Variants in NEBL observed in about 807,000 individuals in gnomAD.
NEBL encodes the protein nebulette.
A neutral mutation model predicts 140.2 loss-of-function variants in NEBL; 122 were observed. That is an observed-to-expected ratio of 0.87 (90% CI 0.75 to 1.01). NEBL has a LOEUF of 1.01. NEBL is among the 50% of genes least tolerant of loss of function. NEBL has a pLI of 0.00. For missense variants in NEBL, 1,365 were observed against 1,231.3 expected, an observed-to-expected ratio of 1.11 and a Z score of -1.62; for synonymous variants, 436 against 398.9, an observed-to-expected ratio of 1.09 and a Z score of -1.11.
chr10:21,206,226 C>A (rs2132231395), intron 3 of NEBL, among the ~76,000 whole-genome samples: 1 of 152,180 alleles, frequency 6.6e-6, no homozygotes, highest in Non-Finnish European at 1.5e-5. Flanking sequence ...ACTTTTAAAT[C>A]CTAAGGAGAC....
At chr10:20,826,627 T>C in intron 17 of NEBL, 88 bp from the exon 18 acceptor site, 1 of 992,064 alleles carries the variant, frequency 1.0e-6, no homozygotes. Context: ...TTCTCAGGTT[T>C]TATAATAATA....
intron 2 of NEBL, among the ~76,000 whole-genome samples, chr10:21,118,229 T>A (rs2132036480): frequency 6.6e-6 from 1 of 152,286 alleles, no homozygotes; most frequent in South Asian, 2.1e-4. Flanking sequence ...AACTTATGTT[T>A]GTTGTTCCAT....
At chr10:20,927,615 A>G (rs1174334793) in intron 4 of NEBL, among the ~76,000 whole-genome samples, 1 of 152,200 alleles carries the variant, frequency 6.6e-6, no homozygotes, top group African/African-American at 2.4e-5. Flanking sequence ...ACCAAAACCT[A>G]TCTTTTAAGT....
chr10:20,872,313 A>C (rs1352766058), intron 5 of NEBL, among the ~76,000 whole-genome samples: 1 of 152,148 alleles, frequency 6.6e-6, no homozygotes, highest in Non-Finnish European at 1.5e-5. Context: ...ACAAGAGGAC[A>C]CCACGGAGCC....
chr10:20,937,698 A>C (rs1834573326), intron 4 of NEBL, among the ~76,000 whole-genome samples: 1 of 152,184 alleles, frequency 6.6e-6, no homozygotes, highest in African/African-American at 2.4e-5. Context: ...AGTCAAAGAA[A>C]GGGGTGACAG....
chr10:20,890,053 T>TGG, intron 2 of NEBL, 104 bp from the exon 3 acceptor site: 6 of 747,460 alleles, frequency 8.0e-6, no homozygotes, highest in Non-Finnish European at 1.3e-5. Context: ...CTGAAGTAAA[T>TGG]ACTCAAGTGT....
At chr10:21,185,837 A>G (rs567365514) in intron 3 of NEBL, among the ~76,000 whole-genome samples, 9 of 152,150 alleles carry the variant, frequency 5.9e-5, no homozygotes, top group Non-Finnish European at 1.3e-4. Context: ...TGGCTCATGC[A>G]TTGCCTTCAT....
intron 2 of NEBL, among the ~76,000 whole-genome samples, chr10:21,133,189 T>C (rs889269355): frequency 2.6e-5 from 4 of 152,194 alleles, no homozygotes; most frequent in African/African-American, 9.6e-5. Context: ...AGCTTTCTTT[T>C]TGTGACACTT....
intron 2 of NEBL, among the ~76,000 whole-genome samples, chr10:21,133,335 G>A (rs1439425499): frequency 3.9e-5 from 6 of 152,164 alleles, no homozygotes; most frequent in African/African-American, 1.4e-4. Context: ...AATGTACTGT[G>A]TCTTGGGAGG....
chr10:21,210,005 A>T (rs1841891596), intron 3 of NEBL, among the ~76,000 whole-genome samples: 1 of 152,184 alleles, frequency 6.6e-6, no homozygotes, highest in Admixed American at 6.6e-5. Flanking sequence ...GCTGACCCTA[A>T]AGCCCCAATT....
At chr10:20,948,090 G>C (rs1835268844) in intron 4 of NEBL, among the ~76,000 whole-genome samples, 1 of 152,250 alleles carries the variant, frequency 6.6e-6, no homozygotes, top group Admixed American at 6.5e-5. Flanking sequence ...CCATGGGTTG[G>C]ACAAGCTTTA....
chr10:21,093,450 A>G (rs947234721), intron 2 of NEBL, among the ~76,000 whole-genome samples: 1 of 152,162 alleles, frequency 6.6e-6, no homozygotes, highest in Non-Finnish European at 1.5e-5. Flanking sequence ...CCAGACGCCC[A>G]AAGCCAAGTT....
chr10:20,817,989 G>C (rs1387314826), intron 20 of NEBL, among the ~76,000 whole-genome samples: 3 of 152,110 alleles, frequency 2.0e-5, no homozygotes, highest in Non-Finnish European at 4.4e-5. Flanking sequence ...TGCTTTAAAA[G>C]AAACGCCAGA....
At chr10:21,281,295 T>C (rs1842989881) in intron 1 of NEBL, among the ~76,000 whole-genome samples, 1 of 152,094 alleles carries the variant, frequency 6.6e-6, no homozygotes, top group Admixed American at 6.5e-5. Flanking sequence ...TCTGGCCCAG[T>C]GCAAGCCCTT....
At chr10:21,226,493 T>C (rs1244073516) in intron 3 of NEBL, among the ~76,000 whole-genome samples, 1 of 152,190 alleles carries the variant, frequency 6.6e-6, no homozygotes, top group East Asian at 1.9e-4. Flanking sequence ...CTTTCAAGTT[T>C]ATTTAGAGCC....
chr10:21,146,967 G>A (rs1051313093), intron 2 of NEBL, among the ~76,000 whole-genome samples: 2 of 152,030 alleles, frequency 1.3e-5, no homozygotes, highest in Non-Finnish European at 2.9e-5. Context: ...TGATTTCCAC[G>A]GGTTCACAAG....
At chr10:20,829,887 G>C (rs1840242112) in intron 16 of NEBL, among the ~76,000 whole-genome samples, 1 of 152,156 alleles carries the variant, frequency 6.6e-6, no homozygotes, top group Admixed American at 6.5e-5. Context: ...GCCATGTCTA[G>C]TTTTGCCTGC....
chr10:20,932,714 T>C (rs1261219735), intron 4 of NEBL, among the ~76,000 whole-genome samples: 3 of 152,264 alleles, frequency 2.0e-5, no homozygotes, highest in African/African-American at 4.8e-5. Flanking sequence ...CTATTACGTA[T>C]ATTTACATAA....
At chr10:21,153,522 T>C (rs1390221003) in intron 2 of NEBL, among the ~76,000 whole-genome samples, 2 of 151,012 alleles carry the variant, frequency 1.3e-5, no homozygotes. Flanking sequence ...AAAACAAATA[T>C]ATATATTATA....
Sources: gnomAD v4.1 joint callset for allele counts (sites outside exome capture counted in the v4.1 genomes callset) on GRCh38, gnomAD v4.1.1 for gene constraint, MANE v1.5 for transcripts, NCBI Gene and HGNC (gene_info 2026-07-23, HGNC 2026-07-21) for gene names.